The following NRDE2 variants were observed in gnomAD, a reference collection of about 807,000 sequenced individuals.
NRDE2 encodes the protein nuclear exosome regulator NRDE2.
In NRDE2, 76 loss-of-function variants were observed where a neutral mutation model predicts 124.2. The observed-to-expected ratio is 0.61, with a 90% CI of 0.51 to 0.74. NRDE2 has a LOEUF of 0.74. NRDE2 is among the 30% of genes least tolerant of loss of function. NRDE2 has a pLI of 0.00. For synonymous variants in NRDE2, 489 were observed against 528.1 expected (o/e 0.93, Z 1.01); for missense variants, 1,314 against 1,417.3 (o/e 0.93, Z 1.17).
rs1356980193 is a variant in NRDE2 at position 90,273,077 on chromosome 14, C to G, written c.*5259G>C. On this transcript the variant is annotated 3_prime_UTR_variant, in exon 14 of 14. Transcript: ENST00000354366. Reference sequence around the variant, plus strand: ...GAAACATGTCAGAACTTCCCCTTCCCTTTCTCCGTCTATTTCCGTCATTTC... The same window carrying G: ...GAAACATGTCAGAACTTCCCCTTCCGTTTCTCCGTCTATTTCCGTCATTTC... 6.6e-6 allele frequency: 1 copy of G among 152,304 alleles called. No individual in the cohort carries two copies. The highest frequency in any genetic ancestry group is 1.5e-5 in the Non-Finnish European group (1 of 68,058). The allele number at this position is 152,304 out of a possible 1,614,324, so 9.4% of individuals were successfully genotyped here. A position where few individuals can be genotyped will look rare whatever the true frequency, so the allele number is the denominator to read the frequency against.
chr14:90,267,885 C>A lies in NRDE2; in HGVS notation c.*10451G>T. On this transcript the variant is annotated 3_prime_UTR_variant, in exon 14 of 14. Coordinates refer to ENST00000354366, the MANE Select transcript of NRDE2 (RefSeq NM_017970.4). The stretch of plus-strand genomic sequence containing the variant: ...GAAAAAAATGAGATTTATTTCATTA[C>A]TGGAATGAAGCAATTCTTCGTACAG... 2 of 200,572 alleles carry A rather than the reference C, an allele frequency of 1.0e-5. No homozygotes were observed. The highest frequency in any genetic ancestry group is 2.0e-5 in the Non-Finnish European group (2 of 99,786). 12.4% of individuals were successfully genotyped at this position (200,572 alleles called of 1,614,324 possible).
intron 7 of NRDE2, among the ~76,000 whole-genome samples, chr14:90,300,017 T>C (rs58363992): frequency 0.29 from 44,383 of 151,888 alleles, 6,460 homozygotes; most frequent in South Asian, 0.34. Context: ...GAATCACATG[T>C]GCTATTCGTG....
At chr14:90,283,954 G>A (rs886820904) in intron 12 of NRDE2, among the ~76,000 whole-genome samples, 1 of 151,958 alleles carries the variant, frequency 6.6e-6, no homozygotes, top group Non-Finnish European at 1.5e-5. Context: ...CTCGTGATCC[G>A]CCCACCTCGG....
rs114974557 is a variant in NRDE2, at chr14:90,310,413, G to A, written c.557+1981C>T. ...TTGTAAAATGAAGAGGGTTCTCCTC[G>A]TCCTCCTCACAGAGCAGCTGTGAGG... On this transcript the variant is annotated intron_variant, in intron 4 of 13. Transcript: ENST00000354366. Among the ~76,000 whole-genome samples the A allele has an allele frequency of 6.6e-3, 1,008 of 152,044 alleles. 13 individuals carry two copies. Among genetic ancestry groups the A allele is most frequent in the African/African-American group, 0.023 (964 of 41,470 alleles).
In NRDE2 at chr14:90,294,027, A is replaced by G. The variant is rs377650902; in HGVS notation, c.1667-1155T>C. Among the ~76,000 whole-genome samples, 79 of 152,336 alleles carry G rather than the reference A, an allele frequency of 5.2e-4. No individual in the cohort carries two copies. In the South Asian group the frequency reaches 0.016, roughly 30 times the overall value. ...GAAGCAGCTTCATGCATAATCGCCA[A>G]CACCTGGAAACAATCCAAACATCCT... On this transcript the variant is annotated intron_variant, in intron 8 of 13. Coordinates refer to ENST00000354366, the MANE Select transcript of NRDE2 (RefSeq NM_017970.4).
At chr14:90,299,662 A>G (rs1884316507) in intron 7 of NRDE2, among the ~76,000 whole-genome samples, 1 of 152,190 alleles carries the variant, frequency 6.6e-6, no homozygotes. Flanking sequence ...CGCCTGGAGG[A>G]GTATTGCCTC....
chr14:90,282,259 T>C (rs895082988), intron 12 of NRDE2, among the ~76,000 whole-genome samples: 39 of 152,254 alleles, frequency 2.6e-4, no homozygotes, highest in African/African-American at 9.2e-4. Flanking sequence ...AATGGACTGC[T>C]TGAGCCCAGG....
At chr14:90,328,340 C>T (rs1295253354) in intron 1 of NRDE2, among the ~76,000 whole-genome samples, 9 of 151,670 alleles carry the variant, frequency 5.9e-5, no homozygotes, top group Admixed American at 5.3e-4. Context: ...AGTATTTATC[C>T]TGTCTTTCCT....
In NRDE2 at chr14:90,289,095, C is replaced by T. The variant is rs572265038; in HGVS notation, c.2280G>A (p.Gly760=). The change falls in exon 11 of 14, where the codon GGG becomes GGA. Residue 760 remains glycine, a synonymous_variant. Transcript: ENST00000354366. ...TKNKKRLKSQ[G]KNCKKLAKNL... is the part of the protein sequence containing the mutation. ...TCTTGGCTAGTTTTTTGCAGTTCTT[C>T]CCTTGAGACTTTAATCTCTTCTTGT... 1 of 1,613,520 alleles carries T rather than the reference C, an allele frequency of 6.2e-7. No homozygotes were observed. The highest frequency in any genetic ancestry group is 2.2e-5 in the East Asian group (1 of 44,876).
chr14:90,325,820 C>T (rs1463670367), intron 1 of NRDE2, among the ~76,000 whole-genome samples: 2 of 152,150 alleles, frequency 1.3e-5, no homozygotes, highest in African/African-American at 4.8e-5. Flanking sequence ...AGCCACTGTG[C>T]CCAGCCCTTG....
intron 4 of NRDE2, among the ~76,000 whole-genome samples, chr14:90,311,450 C>G (rs1054415737): frequency 1.3e-5 from 2 of 152,026 alleles, no homozygotes; most frequent in African/African-American, 4.8e-5. Context: ...GTGCTGTTCT[C>G]GTGACAGTGA....
At position 90,304,356 on chromosome 14, in the gene NRDE2, A is replaced by C; in HGVS notation, c.584T>G (p.Leu195Arg). ...GCACTGCTTCTTAGGGTTAATGCCA[A>C]GGCAGGAGTCTCCTTTCCTCTTGTA... ...ARYKRKGDSC[L>R]GINPKKQCIS... Residue 195 changes from leucine to arginine, a missense_variant, in exon 5 of 14, where the codon CTT becomes CGT. Leu to Arg is a moderately radical substitution (Grantham distance 102, BLOSUM62 -2). Transcript: ENST00000354366. 1.2e-6 allele frequency: 2 copies of C among 1,610,038 alleles called. No homozygotes were observed. Among genetic ancestry groups the C allele is most frequent in the Non-Finnish European group, 1.7e-6 (2 of 1,178,050 alleles).
intron 4 of NRDE2, among the ~76,000 whole-genome samples, chr14:90,312,123 A>T (rs1249832587): frequency 6.6e-6 from 1 of 152,226 alleles, no homozygotes; most frequent in Admixed American, 6.5e-5. Flanking sequence ...GTACTTTTGG[A>T]TTCATTTATT....
Position 90,276,996 on chromosome 14 carries a change from G to A in NRDE2, c.*1340C>T, listed in dbSNP as rs990764707. ...TTCAAGCCAGTTAGCTCTCAGGGAGGGGGAGCAAGTCCACCTCGGAGTGGA... is the reference window on the plus strand; with the variant it reads ...TTCAAGCCAGTTAGCTCTCAGGGAGAGGGAGCAAGTCCACCTCGGAGTGGA... On this transcript the variant is annotated 3_prime_UTR_variant, in exon 14 of 14. Coordinates refer to ENST00000354366, the MANE Select transcript of NRDE2 (RefSeq NM_017970.4). 1.3e-5 allele frequency: 2 copies of A among 152,176 alleles called. No individual in the cohort carries two copies. The highest frequency in any genetic ancestry group is 2.1e-4 in the South Asian group (1 of 4,830). 9.4% of individuals were successfully genotyped at this position (152,176 alleles called of 1,614,324 possible). A position where few individuals can be genotyped will look rare whatever the true frequency, so the allele number is the denominator to read the frequency against.
At chr14:90,296,197 AAC>A (rs1303701264) in intron 8 of NRDE2, among the ~76,000 whole-genome samples, 1 of 152,202 alleles carries the variant, frequency 6.6e-6, no homozygotes. Context: ...TAAGCCTAAA[AAC>A]ACAGACCCAT....
At chr14:90,326,260 C>A (rs769718359) in intron 1 of NRDE2, among the ~76,000 whole-genome samples, 4 of 151,012 alleles carry the variant, frequency 2.6e-5, no homozygotes, top group East Asian at 3.9e-4. Context: ...TTTGGGAGGC[C>A]GAGGCGGGTG....
chr14:90,301,133 A>T, intron 7 of NRDE2, 106 bp downstream of exon 7: 2 of 1,137,694 alleles, frequency 1.8e-6, no homozygotes, highest in East Asian at 4.8e-5. Context: ...AAACACTACC[A>T]CACCACCTCT....
At chr14:90,311,841 G>T (rs1274461253) in intron 4 of NRDE2, among the ~76,000 whole-genome samples, 1 of 152,024 alleles carries the variant, frequency 6.6e-6, no homozygotes, top group South Asian at 2.1e-4. Context: ...GGACAAGTTT[G>T]GTCTAAAGGG....
At chr14:90,307,615 C>T (rs1266954708) in intron 4 of NRDE2, among the ~76,000 whole-genome samples, 2 of 152,090 alleles carry the variant, frequency 1.3e-5, no homozygotes, top group Non-Finnish European at 2.9e-5. Flanking sequence ...CTCAAGCGAT[C>T]CGCCCGCCTC....
Sources: gnomAD v4.1 joint callset for allele counts (sites outside exome capture counted in the v4.1 genomes callset) on GRCh38, gnomAD v4.1.1 for gene constraint, MANE v1.5 for transcripts, NCBI Gene and HGNC (gene_info 2026-07-23, HGNC 2026-07-21) for gene names.